UBR4: variants seen among roughly 807,000 people sequenced by gnomAD.
UBR4 encodes ubiquitin protein ligase E3 component n-recognin 4.
Under a neutral mutation model 575.6 loss-of-function variants are expected in UBR4, and 124 were observed. That is an observed-to-expected ratio of 0.22 (90% CI 0.19 to 0.25). The LOEUF (loss-of-function observed/expected upper bound fraction) is 0.25. Among genes scored for constraint, UBR4 ranks in the 10% least tolerant of loss-of-function variants. UBR4 has a pLI of 1.00. For synonymous variants in UBR4, 2,455 were observed against 2,473.7 expected (o/e 0.99, Z 0.22); for missense variants, 4,818 against 6,478.8 (o/e 0.74, Z 8.80).
At chr1:19,091,840 T>C (rs1251311083) in intron 97 of UBR4, among the ~76,000 whole-genome samples, 2 of 152,178 alleles carry the variant, frequency 1.3e-5, no homozygotes, top group African/African-American at 4.8e-5. Flanking sequence ...TGAAAACTTA[T>C]ATTCACACAA....
rs1184884695 is a variant in UBR4, at chr1:19,164,976, C to T, written c.4334G>A (p.Ser1445Asn). The T allele has an allele frequency of 1.2e-6, 2 of 1,613,796 alleles. No homozygotes were observed. The highest frequency in any genetic ancestry group is 2.2e-5 in the East Asian group (1 of 44,876). Residue 1445 changes from serine (S) to asparagine (N), a missense_variant, in exon 32 of 106, where the codon AGC becomes AAC. Ser to Asn is a conservative substitution (Grantham distance 46). Transcript: ENST00000375254. ...CAGGGAGCCACAGAGATGCAACAGGCTCGGGTTAGGGCTCTTCTCAGCTAG... is the reference window on the plus strand; with the variant it reads ...CAGGGAGCCACAGAGATGCAACAGGTTCGGGTTAGGGCTCTTCTCAGCTAG... ...FQLTEKSPNP[S>N]LLHLCGSLAQ...
In UBR4 at chr1:19,192,250, G is replaced by C. The variant is rs2092143727; in HGVS notation, c.1332C>G (p.Val444=). The change falls in exon 11 of 106, where the codon GTC becomes GTG. Residue 444 remains valine (V), a synonymous_variant. Transcript: ENST00000375254. Reference sequence around the variant, plus strand: ...CTTTAGTACGAGAAAGGATGTCTCTGACTCGGAGGGCAGCCAGTGGGTCCT... The same window carrying C: ...CTTTAGTACGAGAAAGGATGTCTCTCACTCGGAGGGCAGCCAGTGGGTCCT... ...KEKDPLAALR[V]RDILSRTKEG... is the part of the protein sequence containing the mutation. 1 of 1,614,062 alleles carries C rather than the reference G, an allele frequency of 6.2e-7. No homozygotes were observed. The highest frequency in any genetic ancestry group is 1.3e-5 in the African/African-American group (1 of 74,934).
At chr1:19,155,718 C>A in intron 42 of UBR4, 50 bp from the exon 43 acceptor site, 4 of 1,492,952 alleles carry the variant, frequency 2.7e-6, no homozygotes, top group Non-Finnish European at 3.7e-6. Context: ...TCAGTCCCAT[C>A]CCCCAAATAT....
rs534562605 is a variant in UBR4, at chr1:19,093,133, G to A, written c.14111+180C>T. Reference sequence around the variant, plus strand: ...AACCAAAAAGTTGCCATCCTTTTCCGGCAAGCCCCGAGGACTCTGCAGTGG... The same window carrying A: ...AACCAAAAAGTTGCCATCCTTTTCCAGCAAGCCCCGAGGACTCTGCAGTGG... On this transcript the variant is annotated intron_variant, in intron 96 of 105. Coordinates refer to ENST00000375254, the MANE Select transcript of UBR4 (RefSeq NM_020765.3). The surrounding 1 kb of genome is among the most constrained non-coding windows in gnomAD (Gnocchi z 4.8). Among the ~76,000 whole-genome samples, 2 of 152,302 alleles carry A rather than the reference G, an allele frequency of 1.3e-5. No homozygotes were observed. The highest frequency in any genetic ancestry group is 4.8e-5 in the African/African-American group (2 of 41,556).
intron 8 of UBR4, among the ~76,000 whole-genome samples, chr1:19,195,338 T>C (rs1169489378): frequency 3.3e-5 from 5 of 151,100 alleles, no homozygotes; most frequent in Non-Finnish European, 7.4e-5. Flanking sequence ...TTTAAGATTA[T>C]GAAAAAAAAA....
intron 102 of UBR4, chr1:19,081,927 G>GA (rs2076556711): frequency 1.7e-6 from 1 of 600,272 alleles, no homozygotes; most frequent in Non-Finnish European, 3.0e-6. Context: ...CAGAGGCCCA[G>GA]AAAAGTGAAG....
intron 43 of UBR4, 123 bp from the exon 44 acceptor site, chr1:19,155,198 T>C: frequency 1.5e-6 from 2 of 1,353,860 alleles, no homozygotes; most frequent in South Asian, 1.4e-5. Flanking sequence ...ATGAGATCCC[T>C]GTGGGTAAAT....
Position 19,114,850 on chromosome 1 carries a change from A to G in UBR4, c.11163T>C (p.Cys3721=). The change falls in exon 75 of 106, where the codon TGT becomes TGC. Residue 3721 remains cysteine, a synonymous_variant. Coordinates refer to ENST00000375254, the MANE Select transcript of UBR4 (RefSeq NM_020765.3). The stretch of plus-strand genomic sequence containing the variant: ...CTTCATTCTCAATGGGATCCACTGC[A>G]CAGCAAGGCTTGGCATAGAGCATGA... The part of the protein sequence containing the change: ...FDFMLYAKPC[C]AVDPIENEED... 1 of 1,614,230 alleles carries G rather than the reference A, an allele frequency of 6.2e-7. No individual in the cohort carries two copies. The highest frequency in any genetic ancestry group is 8.5e-7 in the Non-Finnish European group (1 of 1,180,044).
At position 19,170,781 on chromosome 1, in the gene UBR4, C is replaced by G. The variant is rs779435652; in HGVS notation, c.3624G>C (p.Arg1208Ser). The change falls in exon 26 of 106, where the codon AGG (arginine) becomes AGC (serine). Residue 1208 changes from arginine to serine, a missense_variant. This residue lies in a region of UBR4 where 1,172 missense variants were observed against 1,259.7 expected (regional missense o/e 0.93). Coordinates refer to ENST00000375254, the MANE Select transcript of UBR4 (RefSeq NM_020765.3). ...TCTTACCCAGAGTATTTGCCTTGCACCTGCTAGAGCCAATAGCCAAAACAG... is the reference window on the plus strand; with the variant it reads ...TCTTACCCAGAGTATTTGCCTTGCAGCTGCTAGAGCCAATAGCCAAAACAG... ...FAAVLAIGSS[R>S]CKANTLGPTL... 1.2e-6 allele frequency: 2 copies of G among 1,614,172 alleles called. No individual in the cohort carries two copies. Among genetic ancestry groups the G allele is most frequent in the South Asian group, 2.2e-5 (2 of 91,080 alleles).
chr1:19,079,208 A>G (rs1226551636), intron 103 of UBR4: 1 of 152,254 alleles, frequency 6.6e-6, no homozygotes, highest in Admixed American at 6.5e-5. Flanking sequence ...GCTGCCTAGC[A>G]TGAGACAGGC....
At chr1:19,130,005 T>C (rs1174469511) in intron 60 of UBR4, among the ~76,000 whole-genome samples, 1 of 152,234 alleles carries the variant, frequency 6.6e-6, no homozygotes, top group African/African-American at 2.4e-5. Flanking sequence ...ATTGTCTTTT[T>C]CTTTTCTTAA....
intron 20 of UBR4, among the ~76,000 whole-genome samples, chr1:19,175,494 C>T (rs1164465630): frequency 6.6e-6 from 1 of 152,166 alleles, no homozygotes; most frequent in Non-Finnish European, 1.5e-5. Flanking sequence ...ACAAAACACA[C>T]TTAACATCTA....
chr1:19,090,165 A>G (rs564223298), intron 97 of UBR4, among the ~76,000 whole-genome samples: 1 of 152,290 alleles, frequency 6.6e-6, no homozygotes, highest in East Asian at 1.9e-4. Flanking sequence ...TGATTCATTC[A>G]GCTTCTTAGC....
chr1:19,102,782 A>G (rs1416734558), intron 87 of UBR4, among the ~76,000 whole-genome samples: 1 of 152,156 alleles, frequency 6.6e-6, no homozygotes, highest in Non-Finnish European at 1.5e-5. Flanking sequence ...CCCATGCCCC[A>G]CAAATACAAA....
At chr1:19,129,428 T>G (rs2082176896) in intron 60 of UBR4, among the ~76,000 whole-genome samples, 1 of 152,220 alleles carries the variant, frequency 6.6e-6, no homozygotes, top group African/African-American at 2.4e-5. Flanking sequence ...TATGGCTTTT[T>G]TCTAATATGT....
intron 103 of UBR4, chr1:19,078,682 G>C (rs1180058208): frequency 6.5e-6 from 1 of 152,890 alleles, no homozygotes; most frequent in Non-Finnish European, 1.5e-5. Flanking sequence ...AATCCAAGTT[G>C]CTCACCACAC....
chr1:19,195,266 AAATAATAATAAT>A (rs56018841), intron 8 of UBR4, among the ~76,000 whole-genome samples: 1 of 143,350 alleles, frequency 7.0e-6, no homozygotes, highest in Non-Finnish European at 1.5e-5. Flanking sequence ...CTCCATCTCA[AAATAATAATAAT>A]AATAATAATA....
intron 103 of UBR4, chr1:19,080,243 G>A (rs1407348696): frequency 2.6e-5 from 4 of 152,164 alleles, no homozygotes; most frequent in African/African-American, 4.8e-5. Context: ...TTAGGAATGG[G>A]GGCAGGGGTT....
intron 1 of UBR4, among the ~76,000 whole-genome samples, chr1:19,203,255 G>C (rs9426798): frequency 0.44 from 66,067 of 151,768 alleles, 14,735 homozygotes; most frequent in East Asian, 0.68. Context: ...AATCCCAGCA[G>C]TTTGGGAGAC....
Sources: allele counts gnomAD v4.1 joint callset (sites outside exome capture counted in the v4.1 genomes callset), GRCh38; gene constraint gnomAD v4.1.1; regional missense constraint gnomAD v4.1.1; non-coding constraint Gnocchi (gnomAD v3.1); transcripts MANE v1.5; gene names NCBI Gene and HGNC (gene_info 2026-07-23, HGNC 2026-07-21).